Variants in PDE3B observed in about 807,000 individuals in gnomAD.
PDE3B encodes phosphodiesterase 3B.
A neutral mutation model predicts 116.8 loss-of-function variants in PDE3B; 66 were observed. The ratio of observed to expected loss-of-function variants is 0.56; its 90% CI spans 0.46 to 0.69. The LOEUF (loss-of-function observed/expected upper bound fraction) is 0.69. PDE3B is among the 30% of genes least tolerant of loss of function. The pLI is 0.00. For synonymous variants in PDE3B, 595 were observed against 533.6 expected (o/e 1.12, Z -1.59); for missense variants, 1,384 against 1,368.1 (o/e 1.01, Z -0.18).
intron 1 of PDE3B, among the ~76,000 whole-genome samples, chr11:14,695,723 T>G (rs1386886272): frequency 6.6e-6 from 1 of 152,036 alleles, no homozygotes; most frequent in Non-Finnish European, 1.5e-5. Context: ...TGTGTCCATG[T>G]GTTCTCACTG....
intron 1 of PDE3B, among the ~76,000 whole-genome samples, chr11:14,757,078 T>TAGTAAGG (rs1857210879): frequency 6.6e-6 from 1 of 151,872 alleles, no homozygotes; most frequent in Non-Finnish European, 1.5e-5. Flanking sequence ...TTGCAATAGT[T>TAGTAAGG]TACTGAGAAT....
Position 14,644,080 on chromosome 11 carries a change from G to C in PDE3B, c.5G>C (p.Arg2Thr). 1 of 1,541,564 alleles carries C rather than the reference G, an allele frequency of 6.5e-7. No homozygotes were observed. Among genetic ancestry groups the C allele is most frequent in the Non-Finnish European group, 8.7e-7 (1 of 1,154,826 alleles). Residue 2 changes from arginine (R) to threonine (T), a missense_variant, in exon 1 of 16, where the codon AGG (arginine) becomes ACG (threonine). Arg to Thr is a moderately conservative substitution (Grantham distance 71). Transcript: ENST00000282096. Reference protein sequence around the residue: MRRDERDAKAMR... With the variant: MTRDERDAKAMR... Reference sequence around the variant, plus strand: ...TGGCCACCCCCGGCCCCAGCCATGAGGAGGGACGAGCGAGACGCCAAAGCC... The same window carrying C: ...TGGCCACCCCCGGCCCCAGCCATGACGAGGGACGAGCGAGACGCCAAAGCC...
At position 14,708,905 on chromosome 11, in the gene PDE3B, C is replaced by G. The variant is rs147826245; in HGVS notation, c.979-63032C>G. On this transcript the variant is annotated intron_variant, in intron 1 of 15. Transcript: ENST00000282096. ...ATGCACTAATCTTATTTTTGCACCTCTTCTGTAAGTTTAAAATTATGTCTA... is the reference window on the plus strand; with the variant it reads ...ATGCACTAATCTTATTTTTGCACCTGTTCTGTAAGTTTAAAATTATGTCTA... Among the ~76,000 whole-genome samples the G allele has an allele frequency of 3.0e-4, 45 of 152,098 alleles. No homozygotes were observed. The East Asian group carries it at 8.5e-3, about 29-fold the overall frequency.
intron 1 of PDE3B, among the ~76,000 whole-genome samples, chr11:14,770,087 G>T (rs763882218): frequency 6.6e-6 from 1 of 151,292 alleles, no homozygotes; most frequent in South Asian, 2.1e-4. Context: ...CTGTTTGATG[G>T]TATTATTGTG....
intron 14 of PDE3B, among the ~76,000 whole-genome samples, chr11:14,867,169 C>T (rs1362767875): frequency 6.6e-6 from 1 of 151,632 alleles, no homozygotes; most frequent in African/African-American, 2.4e-5. Flanking sequence ...TTCTATTATG[C>T]TTTTGCCCCT....
rs1853282530 is a variant in PDE3B at position 14,644,117 on chromosome 11, G to A, written c.42G>A (p.Leu14=). ...DERDAKAMRS[L]QPPDGAGSPP... Reference sequence around the variant, plus strand: ...GAGACGCCAAAGCCATGCGGTCCCTGCAGCCGCCGGATGGGGCCGGCTCGC... The same window carrying A: ...GAGACGCCAAAGCCATGCGGTCCCTACAGCCGCCGGATGGGGCCGGCTCGC... The change falls in exon 1 of 16, where the codon CTG becomes CTA. Residue 14 remains leucine (L), a synonymous_variant. Coordinates refer to ENST00000282096, the MANE Select transcript of PDE3B (RefSeq NM_000922.4). 1 of 1,579,066 alleles carries A rather than the reference G, an allele frequency of 6.3e-7. No individual in the cohort carries two copies. Among genetic ancestry groups the A allele is most frequent in the Non-Finnish European group, 8.5e-7 (1 of 1,171,686 alleles).
chr11:14,694,085 A>G (rs1386954735), intron 1 of PDE3B, among the ~76,000 whole-genome samples: 1 of 152,184 alleles, frequency 6.6e-6, no homozygotes, highest in Admixed American at 6.5e-5. Context: ...GGGAATAAAT[A>G]GAGCCTGAAG....
At chr11:14,858,468 C>G (rs1847888860) in intron 12 of PDE3B, among the ~76,000 whole-genome samples, 5 of 152,018 alleles carry the variant, frequency 3.3e-5, no homozygotes, top group Admixed American at 3.3e-4. Flanking sequence ...CCATTTGAAC[C>G]AGAGGATTTG....
At chr11:14,856,669 T>C (rs1172983493) in intron 12 of PDE3B, among the ~76,000 whole-genome samples, 2 of 152,040 alleles carry the variant, frequency 1.3e-5, no homozygotes, top group African/African-American at 2.4e-5. Flanking sequence ...CCTGGTAACA[T>C]GGTGAAACCC....
At chr11:14,816,344 T>C (rs1859331546) in intron 5 of PDE3B, among the ~76,000 whole-genome samples, 1 of 152,258 alleles carries the variant, frequency 6.6e-6, no homozygotes, top group Admixed American at 6.5e-5. Flanking sequence ...TGTAAGTGTT[T>C]ACCACTATGC....
chr11:14,800,323 G>A (rs1858712079), intron 4 of PDE3B, among the ~76,000 whole-genome samples: 1 of 152,110 alleles, frequency 6.6e-6, no homozygotes, highest in South Asian at 2.1e-4. Context: ...AAGTTAGCTG[G>A]GCGTGGTGGT....
At chr11:14,891,635 C>T in the PDE3B span, 5 of 1,106,196 alleles carry the variant, frequency 4.5e-6, no homozygotes, top group East Asian at 7.2e-5. Context: ...CACCTGAGGG[C>T]ATGCGTCCAC....
At chr11:14,764,048 T>C (rs745708735) in intron 1 of PDE3B, among the ~76,000 whole-genome samples, 5 of 152,206 alleles carry the variant, frequency 3.3e-5, no homozygotes, top group Non-Finnish European at 5.9e-5. Flanking sequence ...GGGCAAGATA[T>C]GGTAAGGCAA....
intron 5 of PDE3B, among the ~76,000 whole-genome samples, chr11:14,807,859 C>T (rs531515909): frequency 5.7e-4 from 87 of 152,042 alleles, no homozygotes; most frequent in Non-Finnish European, 2.1e-4. Context: ...CCAGCCTGGC[C>T]AACATGGTGA....
rs907962272 is a variant in PDE3B, at chr11:14,643,970, G to C, written c.-106G>C. 1.2e-5 allele frequency: 16 copies of C among 1,368,270 alleles called. No individual in the cohort carries two copies. The highest frequency in any genetic ancestry group is 1.5e-5 in the African/African-American group (1 of 64,914). The allele number at this position is 1,368,270 out of a possible 1,614,324, so 84.8% of individuals were successfully genotyped here. On this transcript the variant is annotated 5_prime_UTR_variant, in exon 1 of 16. Transcript: ENST00000282096. ...GGCCGGCGCAGCCCTGACGGGTTGC[G>C]AACCAGGGGGCGCCCCGAACGCGGG... is the stretch of plus-strand genomic sequence containing the variant.
chr11:14,789,339 G>A, intron 4 of PDE3B, 97 bp downstream of exon 4: 1 of 927,324 alleles, frequency 1.1e-6, no homozygotes, highest in East Asian at 2.5e-5. Context: ...AGAAAGGAAT[G>A]GTTGAAGTAT....
intron 1 of PDE3B, among the ~76,000 whole-genome samples, chr11:14,684,353 C>T (rs1031912436): frequency 1.3e-5 from 2 of 152,090 alleles, no homozygotes; most frequent in Non-Finnish European, 2.9e-5. Context: ...TTAAAGCCAG[C>T]AGGTTGTATT....
the PDE3B span, chr11:14,879,303 G>A: frequency 6.2e-7 from 1 of 1,613,200 alleles, no homozygotes; most frequent in South Asian, 1.1e-5. Flanking sequence ...GAGGTTGCAT[G>A]GAAAATCCCT....
chr11:14,749,678 G>C (rs1341332600), intron 1 of PDE3B, among the ~76,000 whole-genome samples: 1 of 151,108 alleles, frequency 6.6e-6, no homozygotes, highest in Non-Finnish European at 1.5e-5. Flanking sequence ...GGCCTTCTCT[G>C]TTATTCAGAA....
Sources: gnomAD v4.1 joint callset for allele counts (sites outside exome capture counted in the v4.1 genomes callset) on GRCh38, gnomAD v4.1.1 for gene constraint, MANE v1.5 for transcripts, NCBI Gene and HGNC (gene_info 2026-07-23, HGNC 2026-07-21) for gene names.